HDAC9: variants seen among roughly 807,000 people sequenced by gnomAD.
The protein encoded by HDAC9 is histone deacetylase 9, also known as MEF-2 interacting transcription repressor (MITR) protein.
A neutral mutation model predicts 139.4 loss-of-function variants in HDAC9; 41 were observed. The observed-to-expected ratio is 0.29, with a 90% confidence interval of 0.23 to 0.38. The LOEUF (loss-of-function observed/expected upper bound fraction) is 0.38, where lower values mean the gene tolerates loss of function less well. Ranked by LOEUF, HDAC9 falls within the 10% of genes least tolerant of loss-of-function variation. The pLI is 1.00. For synonymous variants in HDAC9, 517 were observed against 476.2 expected (o/e 1.09, Z -1.12); for missense variants, 1,147 against 1,297.0 (o/e 0.88, Z 1.78).
intron 10 of HDAC9, 140 bp downstream of exon 10, chr7:18,648,138 G>A: frequency 1.4e-6 from 1 of 697,070 alleles, no homozygotes; most frequent in South Asian, 1.9e-5. Flanking sequence ...GGTACTGTGG[G>A]AAAGGCTATC....
At chr7:18,425,576 A>T (rs936201513) in intron 1 of HDAC9, among the ~76,000 whole-genome samples, 4 of 152,304 alleles carry the variant, frequency 2.6e-5, no homozygotes, top group Non-Finnish European at 5.9e-5. Flanking sequence ...CATTTAACTA[A>T]GTCTTACACA....
chr7:18,742,409 A>C (rs1787542878), intron 13 of HDAC9, among the ~76,000 whole-genome samples: 1 of 152,218 alleles, frequency 6.6e-6, no homozygotes, highest in African/African-American at 2.4e-5. Flanking sequence ...GCAATAAATT[A>C]ATTTTTAATT....
intron 2 of HDAC9, among the ~76,000 whole-genome samples, chr7:18,181,046 C>A (rs900035215): frequency 2.0e-5 from 3 of 152,138 alleles, no homozygotes; most frequent in African/African-American, 7.2e-5. Flanking sequence ...ATTTTGGGAC[C>A]ACCTGGATAA....
At chr7:18,732,632 T>A (rs1475168946) in intron 13 of HDAC9, among the ~76,000 whole-genome samples, 1 of 132,580 alleles carries the variant, frequency 7.5e-6, no homozygotes, top group Non-Finnish European at 1.6e-5. Context: ...CACACGTGTA[T>A]ATGTGTGCAT....
chr7:18,897,862 C>T (rs1279348972), intron 22 of HDAC9, among the ~76,000 whole-genome samples: 1 of 150,444 alleles, frequency 6.6e-6, no homozygotes, highest in East Asian at 1.9e-4. Context: ...AGGGTCTTTG[C>T]CACCAGGGAA....
At chr7:18,765,067 G>C (rs1437402306) in intron 15 of HDAC9, among the ~76,000 whole-genome samples, 1 of 152,096 alleles carries the variant, frequency 6.6e-6, no homozygotes, top group African/African-American at 2.4e-5. Flanking sequence ...CTTATGACCA[G>C]TTTCCAGTCG....
chr7:18,662,854 G>A (rs1793639523), intron 11 of HDAC9, among the ~76,000 whole-genome samples: 1 of 152,108 alleles, frequency 6.6e-6, no homozygotes, highest in African/African-American at 2.4e-5. Flanking sequence ...TCATGAATTT[G>A]GAGAACACTC....
At chr7:18,231,721 T>A (rs1793473642) in intron 2 of HDAC9, among the ~76,000 whole-genome samples, 1 of 152,072 alleles carries the variant, frequency 6.6e-6, no homozygotes, top group Non-Finnish European at 1.5e-5. Context: ...TGCAGAAAAT[T>A]GATGCAGAAG....
intron 2 of HDAC9, among the ~76,000 whole-genome samples, chr7:18,572,309 T>G (rs2128746361): frequency 6.6e-6 from 1 of 150,532 alleles, no homozygotes; most frequent in African/African-American, 2.4e-5. Flanking sequence ...TTTGTCATAT[T>G]CATAAATATG....
At chr7:18,881,502 G>A (rs1799735278) in intron 22 of HDAC9, among the ~76,000 whole-genome samples, 1 of 152,016 alleles carries the variant, frequency 6.6e-6, no homozygotes, top group African/African-American at 2.4e-5. Flanking sequence ...AGAACTAGGT[G>A]TGTTTTGGTG....
chr7:18,220,085 T>A (rs1416167462), intron 2 of HDAC9, among the ~76,000 whole-genome samples: 3 of 152,200 alleles, frequency 2.0e-5, no homozygotes, highest in African/African-American at 7.2e-5. Flanking sequence ...GCAACAGGAA[T>A]AACTATGGAA....
At chr7:18,883,213 T>A (rs985372769) in intron 22 of HDAC9, among the ~76,000 whole-genome samples, 1 of 152,176 alleles carries the variant, frequency 6.6e-6, no homozygotes, top group Non-Finnish European at 1.5e-5. Context: ...GATGCTTTTT[T>A]AGCAATTGAC....
chr7:18,768,329 A>G (rs1351700442), intron 16 of HDAC9, among the ~76,000 whole-genome samples: 3 of 152,160 alleles, frequency 2.0e-5, no homozygotes, highest in South Asian at 4.1e-4. Context: ...AGACACTTTC[A>G]TGGCTTTCAT....
intron 1 of HDAC9, among the ~76,000 whole-genome samples, chr7:18,399,089 G>A (rs966491078): frequency 1.3e-5 from 2 of 152,104 alleles, no homozygotes; most frequent in African/African-American, 4.8e-5. Flanking sequence ...CCACTGCTCT[G>A]TGTGGAAAGA....
rs561268527 is a variant in HDAC9, at chr7:18,607,259, C to T, written c.664+13230C>T. 3.3e-5 allele frequency among the ~76,000 whole-genome samples: 5 copies of T among 152,204 alleles called. No individual in the cohort carries two copies. The South Asian group carries it at 8.3e-4, about 25-fold the overall frequency. On this transcript the variant is annotated intron_variant, in intron 6 of 25. Transcript: ENST00000686413. The stretch of plus-strand genomic sequence containing the variant: ...TAATGAGTCAGCCTTGTAAGAACTT[C>T]GAAAATCTAACTCAAATATTTTGCT...
chr7:18,185,193 A>G (rs1789809331), intron 2 of HDAC9, among the ~76,000 whole-genome samples: 1 of 152,190 alleles, frequency 6.6e-6, no homozygotes, highest in Non-Finnish European at 1.5e-5. Context: ...TCCATTTGTT[A>G]TTTGAAAGAC....
At chr7:18,182,548 T>C (rs1024314873) in intron 2 of HDAC9, among the ~76,000 whole-genome samples, 1 of 152,240 alleles carries the variant, frequency 6.6e-6, no homozygotes, top group Admixed American at 6.5e-5. Context: ...CTAGCATTTG[T>C]TGAGTTTTTC....
chr7:18,434,340 C>G (rs535822381), intron 1 of HDAC9, among the ~76,000 whole-genome samples: 1 of 152,076 alleles, frequency 6.6e-6, no homozygotes, highest in African/African-American at 2.4e-5. Context: ...GGGCATAGGC[C>G]CTGGCAAAGA....
chr7:18,821,164 T>C (rs1794939209), intron 17 of HDAC9, among the ~76,000 whole-genome samples: 1 of 152,242 alleles, frequency 6.6e-6, no homozygotes, highest in South Asian at 2.1e-4. Flanking sequence ...GCCTATTTTA[T>C]AATGGCCTTA....
Sources: allele counts gnomAD v4.1 joint callset (sites outside exome capture counted in the v4.1 genomes callset), GRCh38; gene constraint gnomAD v4.1.1; transcripts MANE v1.5; gene names NCBI Gene and HGNC (gene_info 2026-07-23, HGNC 2026-07-21).